Variants in PSMG2 observed in about 807,000 individuals in gnomAD.
The protein encoded by PSMG2 is proteasome assembly chaperone 2.
PSMG2 carries 21 observed loss-of-function variants against 31.5 expected under a neutral mutation model. The ratio of observed to expected loss-of-function variants is 0.67; its 90% CI spans 0.47 to 0.96. The LOEUF is 0.96. Among genes scored for constraint, PSMG2 ranks in the 40% least tolerant of loss-of-function variants. PSMG2 has a pLI of 0.00. For missense variants in PSMG2, 318 were observed against 321.2 expected, an observed-to-expected ratio of 0.99 and a Z score of 0.08; for synonymous variants, 120 against 110.4, an observed-to-expected ratio of 1.09 and a Z score of -0.54.
chr18:12,696,816 T>C (rs1174337369), intron 1 of PSMG2, among the ~76,000 whole-genome samples: 1 of 152,180 alleles, frequency 6.6e-6, no homozygotes, highest in African/African-American at 2.4e-5. Context: ...TGGGAGAACA[T>C]CTACTCTGTA....
At chr18:12,666,849 A>G (rs986744395) in intron 1 of PSMG2, among the ~76,000 whole-genome samples, 1 of 152,172 alleles carries the variant, frequency 6.6e-6, no homozygotes, top group Non-Finnish European at 1.5e-5. Flanking sequence ...AGGTTTATCA[A>G]AACTGAAGAT....
chr18:12,667,811 C>A, intron 1 of PSMG2, among the ~76,000 whole-genome samples: 1 of 137,840 alleles, frequency 7.3e-6, no homozygotes, highest in African/African-American at 2.7e-5. Flanking sequence ...TCACTTAACA[C>A]AGAAGAAAGC....
chr18:12,710,134 G>T (rs982480534), intron 2 of PSMG2, among the ~76,000 whole-genome samples: 3 of 151,408 alleles, frequency 2.0e-5, no homozygotes, highest in African/African-American at 7.3e-5. Context: ...TAGTAAGACG[G>T]GGTTTCACTG....
chr18:12,691,160 T>C, intron 1 of PSMG2: 1 of 407,118 alleles, frequency 2.5e-6, no homozygotes, highest in Non-Finnish European at 4.3e-6. Flanking sequence ...ATAACTGAAA[T>C]TGAAAGTAAA....
intron 1 of PSMG2, among the ~76,000 whole-genome samples, chr18:12,704,669 A>G (rs570364144): frequency 3.6e-4 from 55 of 152,348 alleles, no homozygotes; most frequent in African/African-American, 1.3e-3. Flanking sequence ...TACATAGAGA[A>G]ACAAGAAATG....
At chr18:12,707,269 C>A (rs759788791) in intron 2 of PSMG2, among the ~76,000 whole-genome samples, 1 of 152,050 alleles carries the variant, frequency 6.6e-6, no homozygotes, top group Non-Finnish European at 1.5e-5. Context: ...ATACTTGTAT[C>A]TTTTCTAGAA....
At chr18:12,666,762 CTT>C (rs1454269532) in intron 1 of PSMG2, among the ~76,000 whole-genome samples, 3 of 151,288 alleles carry the variant, frequency 2.0e-5, no homozygotes, top group African/African-American at 7.3e-5. Context: ...AAAAAAAAAA[CTT>C]TTGAATTGAT....
chr18:12,660,446 C>T (rs565989655), intron 1 of PSMG2, among the ~76,000 whole-genome samples: 5 of 151,942 alleles, frequency 3.3e-5, no homozygotes, highest in East Asian at 1.9e-4. Context: ...CTCGGCCTCC[C>T]GAGTAGCTGG....
At chr18:12,708,026 A>G (rs143397095) in intron 2 of PSMG2, among the ~76,000 whole-genome samples, 2,743 of 152,242 alleles carry the variant, frequency 0.018, 93 homozygotes, top group African/African-American at 0.062. Flanking sequence ...GCACATCTGT[A>G]ATCCCAACAC....
upstream of PSMG2, chr18:12,703,015 C>A: frequency 6.9e-7 from 1 of 1,441,984 alleles, no homozygotes; most frequent in Non-Finnish European, 9.4e-7. Context: ...TCCCGCGCCC[C>A]GCGAGGCTCC....
At chr18:12,667,280 C>G (rs988222655) in intron 1 of PSMG2, among the ~76,000 whole-genome samples, 2 of 151,962 alleles carry the variant, frequency 1.3e-5, no homozygotes, top group Non-Finnish European at 2.9e-5. Context: ...TTGAGTGAGA[C>G]CTTGTCTCTA....
At chr18:12,690,874 C>A (rs190991902) in intron 1 of PSMG2, among the ~76,000 whole-genome samples, 10 of 152,086 alleles carry the variant, frequency 6.6e-5, no homozygotes, top group African/African-American at 2.4e-4. Flanking sequence ...TGGTCACTGG[C>A]TTAGAAGTCG....
intron 1 of PSMG2, chr18:12,661,390 G>A (rs1159185506): frequency 1.0e-6 from 1 of 981,216 alleles, no homozygotes; most frequent in African/African-American, 1.8e-5. Flanking sequence ...CCACTCAAAG[G>A]CTACCAGCCA....
chr18:12,695,610 T>C (rs1011743450), intron 1 of PSMG2, among the ~76,000 whole-genome samples: 2 of 151,384 alleles, frequency 1.3e-5, no homozygotes, highest in African/African-American at 4.8e-5. Context: ...GGGGTCTCCC[T>C]ATGTTATTCA....
At chr18:12,691,159 A>C (rs534877600) in intron 1 of PSMG2, 4 of 407,600 alleles carry the variant, frequency 9.8e-6, no homozygotes, top group Non-Finnish European at 1.7e-5. Flanking sequence ...AATAACTGAA[A>C]TTGAAAGTAA....
chr18:12,665,653 AC>A (rs1156500727), intron 1 of PSMG2, among the ~76,000 whole-genome samples: 3 of 152,182 alleles, frequency 2.0e-5, no homozygotes, highest in African/African-American at 7.2e-5. Context: ...CCAGAGCTTA[AC>A]CTAAATTTAT....
intron 1 of PSMG2, among the ~76,000 whole-genome samples, chr18:12,666,354 A>G (rs1171562886): frequency 1.3e-5 from 2 of 151,890 alleles, no homozygotes; most frequent in Non-Finnish European, 2.9e-5. Context: ...TTATCTTGCA[A>G]AGTTTGCTAA....
intron 1 of PSMG2, among the ~76,000 whole-genome samples, chr18:12,668,021 T>C (rs1427846735): frequency 6.6e-6 from 1 of 151,990 alleles, no homozygotes; most frequent in African/African-American, 2.4e-5. Context: ...TCCCAGCACT[T>C]TGGGAGGCCG....
rs1231250093 is a variant in PSMG2, at chr18:12,695,132, G to A, written c.-36-11418G>A. 6.5e-6 allele frequency: 3 copies of A among 463,052 alleles called. No individual in the cohort carries two copies. In the Admixed American group the frequency reaches 1.2e-4, roughly 19 times the overall value. The allele number at this position is 463,052 out of a possible 1,614,324, so 28.7% of individuals were successfully genotyped here. The stretch of plus-strand genomic sequence containing the variant: ...CCTCATCCTTTTTGTGAACCTTTGA[G>A]TGCTAATCTAGAAAGTAATAAATGG... On this transcript the variant is annotated intron_variant, in intron 1 of 6. Transcript: ENST00000585331.
Sources: allele counts gnomAD v4.1 joint callset (sites outside exome capture counted in the v4.1 genomes callset), GRCh38; gene constraint gnomAD v4.1.1; transcripts MANE v1.5; gene names NCBI Gene and HGNC (gene_info 2026-07-23, HGNC 2026-07-21).